LRRTM4: variants seen among roughly 807,000 people sequenced by gnomAD.
LRRTM4 encodes the protein leucine rich repeat transmembrane neuronal 4.
A neutral mutation model predicts 47.6 loss-of-function variants in LRRTM4; 25 were observed. The observed-to-expected ratio is 0.53, with a 90% confidence interval of 0.38 to 0.73. LRRTM4 has a LOEUF of 0.73. Among genes scored for constraint, LRRTM4 ranks in the 30% least tolerant of loss-of-function variants. The probability of loss-of-function intolerance (pLI) is 0.00; values close to 1 mark genes in which losing one functional copy is unlikely to be tolerated. For missense variants in LRRTM4, 638 were observed against 713.4 expected, an observed-to-expected ratio of 0.89 and a Z score of 1.20; for synonymous variants, 311 against 269.5, an observed-to-expected ratio of 1.15 and a Z score of -1.51.
chr2:77,166,728 G>C (rs1672896980), intron 3 of LRRTM4, among the ~76,000 whole-genome samples: 1 of 152,114 alleles, frequency 6.6e-6, no homozygotes, highest in Non-Finnish European at 1.5e-5. Flanking sequence ...TTTAATAAAT[G>C]GTACTGGGAA....
At chr2:77,258,484 G>C (rs1469398414) in intron 3 of LRRTM4, among the ~76,000 whole-genome samples, 1 of 151,880 alleles carries the variant, frequency 6.6e-6, no homozygotes, top group East Asian at 1.9e-4. Flanking sequence ...TGCATTTACA[G>C]TTACATAATG....
chr2:77,271,425 T>C (rs1484206741), intron 3 of LRRTM4, among the ~76,000 whole-genome samples: 2 of 152,176 alleles, frequency 1.3e-5, no homozygotes, highest in African/African-American at 4.8e-5. Context: ...TGGCTGTGGG[T>C]CCTGCATGGA....
chr2:76,749,274 G>T (rs2104046377), intron 3 of LRRTM4, among the ~76,000 whole-genome samples: 1 of 152,012 alleles, frequency 6.6e-6, no homozygotes, highest in East Asian at 1.9e-4. Flanking sequence ...ATATAGGGGA[G>T]GATCTATCTG....
chr2:76,874,402 A>G (rs1038266281), intron 3 of LRRTM4, among the ~76,000 whole-genome samples: 4 of 151,982 alleles, frequency 2.6e-5, no homozygotes, highest in African/African-American at 7.3e-5. Context: ...CAAATGTCTT[A>G]CCACTGTATT....
chr2:77,019,776 A>C (rs1678201195), intron 3 of LRRTM4, among the ~76,000 whole-genome samples: 1 of 152,124 alleles, frequency 6.6e-6, no homozygotes. Context: ...ACTGAACCAG[A>C]AAATTTTTAT....
At chr2:76,919,966 A>AT (rs201398024) in intron 3 of LRRTM4, among the ~76,000 whole-genome samples, 22 of 150,584 alleles carry the variant, frequency 1.5e-4, no homozygotes, top group Middle Eastern at 3.4e-3. Context: ...TCTTTTACTC[A>AT]TTTTTTTTTG....
chr2:77,246,385 A>T (rs2104002376), intron 3 of LRRTM4, among the ~76,000 whole-genome samples: 1 of 152,296 alleles, frequency 6.6e-6, no homozygotes, highest in African/African-American at 2.4e-5. Context: ...CACACTACAA[A>T]GGTAAATAAT....
intron 3 of LRRTM4, among the ~76,000 whole-genome samples, chr2:77,243,773 C>CTT (rs68042043): frequency 0.53 from 77,016 of 145,128 alleles, 20,654 homozygotes; most frequent in Admixed American, 0.58. Flanking sequence ...TTTCTTTTTC[C>CTT]TTTTTTTTTA....
rs1558793555 is a variant in LRRTM4, at chr2:77,007,148, AGAG to A, written c.1552-258235_1552-258233del. 9.9e-5 allele frequency among the ~76,000 whole-genome samples: 15 copies of A among 152,018 alleles called. No individual in the cohort carries two copies. In the South Asian group the frequency reaches 2.5e-3, roughly 25 times the overall value. ...TTTGAAATTTTCCTGTAATAAATAAAGAGGAATATATATATATACACACACACA... is the reference window on the plus strand; with the variant it reads ...TTTGAAATTTTCCTGTAATAAATAAAGAATATATATATATACACACACACA... On this transcript the variant is annotated intron_variant, in intron 3 of 3. Transcript: ENST00000409884.
intron 3 of LRRTM4, among the ~76,000 whole-genome samples, chr2:76,894,047 T>C (rs1673333250): frequency 6.6e-6 from 1 of 151,978 alleles, no homozygotes; most frequent in Admixed American, 6.6e-5. Context: ...CTGAAAAATA[T>C]CAGTTAATTA....
At chr2:77,356,250 TA>T (rs1409349246) in intron 3 of LRRTM4, among the ~76,000 whole-genome samples, 3 of 152,222 alleles carry the variant, frequency 2.0e-5, no homozygotes, top group Non-Finnish European at 4.4e-5. Context: ...CACTATCCTT[TA>T]TGATAATCTG....
At chr2:76,967,648 A>C (rs1676072614) in intron 3 of LRRTM4, among the ~76,000 whole-genome samples, 1 of 151,718 alleles carries the variant, frequency 6.6e-6, no homozygotes, top group African/African-American at 2.4e-5. Context: ...ATGTATAAAA[A>C]TGTGTGCTCT....
chr2:76,952,396 T>G (rs1304322570), intron 3 of LRRTM4, among the ~76,000 whole-genome samples: 1 of 151,872 alleles, frequency 6.6e-6, no homozygotes, highest in Non-Finnish European at 1.5e-5. Flanking sequence ...GAACAGACAT[T>G]TCTCAAAAGA....
At chr2:77,070,708 G>C (rs1167686387) in intron 3 of LRRTM4, among the ~76,000 whole-genome samples, 3 of 152,088 alleles carry the variant, frequency 2.0e-5, no homozygotes, top group Admixed American at 6.6e-5. Flanking sequence ...TCCGCTCACT[G>C]CATCTTCTGC....
At chr2:77,267,965 C>A (rs1676092875) in intron 3 of LRRTM4, among the ~76,000 whole-genome samples, 1 of 152,096 alleles carries the variant, frequency 6.6e-6, no homozygotes, top group Non-Finnish European at 1.5e-5. Flanking sequence ...CTTTATACAT[C>A]TCTGGCTATT....
At chr2:77,158,790 T>C (rs1672628831) in intron 3 of LRRTM4, among the ~76,000 whole-genome samples, 1 of 152,010 alleles carries the variant, frequency 6.6e-6, no homozygotes, top group South Asian at 2.1e-4. Flanking sequence ...TTTTTCGTTT[T>C]TTTTTCTATT....
At chr2:77,114,214 G>C (rs941494317) in intron 3 of LRRTM4, among the ~76,000 whole-genome samples, 3 of 152,106 alleles carry the variant, frequency 2.0e-5, no homozygotes, top group Admixed American at 1.3e-4. Context: ...ACAGTGATGG[G>C]AACATAATTC....
chr2:77,369,985 C>G (rs1263670601), intron 3 of LRRTM4, among the ~76,000 whole-genome samples: 2 of 151,720 alleles, frequency 1.3e-5, no homozygotes, highest in African/African-American at 2.4e-5. Flanking sequence ...CTCTAAATAT[C>G]TTAATCTTCA....
At chr2:76,851,062 C>T (rs1382156627) in intron 3 of LRRTM4, among the ~76,000 whole-genome samples, 1 of 152,174 alleles carries the variant, frequency 6.6e-6, no homozygotes, top group African/African-American at 2.4e-5. Context: ...GGGCTAAGGG[C>T]CCAGTTTTGC....
Sources: allele counts gnomAD v4.1 joint callset (sites outside exome capture counted in the v4.1 genomes callset), GRCh38; gene constraint gnomAD v4.1.1; transcripts MANE v1.5; gene names NCBI Gene and HGNC (gene_info 2026-07-23, HGNC 2026-07-21).